The following PABPC1L variants were observed in gnomAD, a reference collection of about 807,000 sequenced individuals.
PABPC1L encodes poly(A) binding protein cytoplasmic 1 like.
PABPC1L carries 31 observed loss-of-function variants against 66.6 expected under a neutral mutation model. The observed-to-expected ratio is 0.47, with a 90% CI of 0.35 to 0.63. PABPC1L has a LOEUF of 0.63. PABPC1L is among the 20% of genes least tolerant of loss of function. PABPC1L has a pLI of 0.00. For synonymous variants in PABPC1L, 348 were observed against 335.1 expected, an observed-to-expected ratio of 1.04 and a Z score of -0.42; for missense variants, 722 against 848.8, an observed-to-expected ratio of 0.85 and a Z score of 1.86.
At position 44,912,658 on chromosome 20, in the gene PABPC1L, A is replaced by G; in HGVS notation, c.194-2A>G. On this transcript the variant is annotated splice_acceptor_variant, in intron 1 of 14. Coordinates refer to ENST00000217073, the MANE Select transcript of PABPC1L (RefSeq NM_001372179.1). LOFTEE classifies it high-confidence loss of function. ...AATTTCTCTCCTCTTCCTTCTGTCC[A>G]GCGGAGCGGGCACTGGACACAATGA... is the stretch of plus-strand genomic sequence containing the variant. 3.1e-6 allele frequency: 5 copies of G among 1,607,354 alleles called. No individual in the cohort carries two copies. The highest frequency in any genetic ancestry group is 4.3e-6 in the Non-Finnish European group (5 of 1,174,762).
intron 7 of PABPC1L, among the ~76,000 whole-genome samples, chr20:44,929,201 G>A (rs1249038163): frequency 1.3e-5 from 2 of 151,446 alleles, no homozygotes; most frequent in Non-Finnish European, 2.9e-5. Flanking sequence ...GTTTGAGGCT[G>A]CAGTGAGCTA....
intron 10 of PABPC1L, among the ~76,000 whole-genome samples, chr20:44,935,014 G>A (rs937478799): frequency 4.0e-5 from 6 of 151,632 alleles, no homozygotes; most frequent in Non-Finnish European, 4.4e-5. Context: ...GTTGCAGTGA[G>A]CCGAGATAAC....
intron 11 of PABPC1L, 120 bp downstream of exon 11, chr20:44,935,617 T>A: frequency 1.4e-6 from 1 of 714,720 alleles, no homozygotes; most frequent in Non-Finnish European, 2.4e-6. Flanking sequence ...TTTCGTTTAT[T>A]AATGTGTACA....
At chr20:44,914,223 T>C (rs2066723821) in intron 2 of PABPC1L, among the ~76,000 whole-genome samples, 1 of 150,502 alleles carries the variant, frequency 6.6e-6, no homozygotes, top group Non-Finnish European at 1.5e-5. Flanking sequence ...TTTTTTTTTT[T>C]TGAGACGGAG....
chr20:44,935,039 G>A (rs2066890283), intron 10 of PABPC1L, among the ~76,000 whole-genome samples: 1 of 150,948 alleles, frequency 6.6e-6, no homozygotes, highest in South Asian at 2.1e-4. Context: ...CTGCACTATA[G>A]CCTGGGTGAC....
intron 5 of PABPC1L, among the ~76,000 whole-genome samples, chr20:44,920,253 G>A (rs1362130089): frequency 3.9e-5 from 6 of 152,060 alleles, no homozygotes. Flanking sequence ...CACTATTATG[G>A]TATCATGCAG....
chr20:44,924,301 C>A, intron 7 of PABPC1L, 45 bp downstream of exon 7: 1 of 1,429,228 alleles, frequency 7.0e-7, no homozygotes, highest in African/African-American at 1.4e-5. Context: ...CCCCTCCATC[C>A]TCTCACCACC....
chr20:44,938,636 T>A, intron 13 of PABPC1L, 38 bp from the exon 14 acceptor site: 1 of 1,572,844 alleles, frequency 6.4e-7, no homozygotes, highest in South Asian at 1.2e-5. Flanking sequence ...CCTGCTAAGA[T>A]AGCTGCACTA....
At position 44,938,729 on chromosome 20, in the gene PABPC1L, C is replaced by T. The variant is rs774958160; in HGVS notation, c.1847C>T (p.Ala616Val). 3.1e-6 allele frequency: 5 copies of T among 1,611,414 alleles called. No homozygotes were observed. The African/African-American group carries it at 4.0e-5, about 13-fold the overall frequency. ...QAHQAMEQPK[A>V]YMH Reference sequence around the variant, plus strand: ...CACCAGGCTATGGAGCAGCCGAAGGCGTACATGCACTGAAACCAGGTGGGT... The same window carrying T: ...CACCAGGCTATGGAGCAGCCGAAGGTGTACATGCACTGAAACCAGGTGGGT... The change falls in exon 14 of 15, where the codon GCG becomes GTG. Residue 616 changes from alanine (A) to valine (V), a missense_variant. Physicochemically the swap from Ala to Val is moderately conservative, Grantham distance 64. Around this residue, in one of 3 missense-constraint regions of PABPC1L, gnomAD observed 301 missense variants for 337.2 expected, o/e 0.89. Coordinates refer to ENST00000217073, the MANE Select transcript of PABPC1L (RefSeq NM_001372179.1).
intron 14 of PABPC1L, 103 bp downstream of exon 14, chr20:44,938,851 C>T: frequency 8.5e-7 from 1 of 1,180,494 alleles, no homozygotes; most frequent in Non-Finnish European, 1.2e-6. Flanking sequence ...GTGTTCCTGG[C>T]TTTCTCTGAA....
intron 7 of PABPC1L, among the ~76,000 whole-genome samples, chr20:44,929,995 C>T (rs1287381825): frequency 6.6e-6 from 1 of 152,140 alleles, no homozygotes; most frequent in Admixed American, 6.6e-5. Flanking sequence ...TGAGTCCTGG[C>T]TAACGTATGA....
At chr20:44,926,296 G>A (rs1241119640) in intron 7 of PABPC1L, among the ~76,000 whole-genome samples, 1 of 152,066 alleles carries the variant, frequency 6.6e-6, no homozygotes, top group African/African-American at 2.4e-5. Context: ...GCGCCATCTC[G>A]GCTCACTACA....
intron 8 of PABPC1L, among the ~76,000 whole-genome samples, chr20:44,931,164 C>G: frequency 7.0e-6 from 1 of 143,440 alleles, no homozygotes; most frequent in African/African-American, 2.6e-5. Flanking sequence ...TGGCTCCTTC[C>G]TTCTTCCCTC....
intron 14 of PABPC1L, 122 bp downstream of exon 14, chr20:44,938,870 GA>G (rs1428604357): frequency 1.4e-5 from 13 of 957,724 alleles, no homozygotes; most frequent in Non-Finnish European, 1.8e-5. Context: ...AAGCACCAAA[GA>G]GTTTGGAGGA....
intron 7 of PABPC1L, among the ~76,000 whole-genome samples, chr20:44,926,055 T>G (rs1408423886): frequency 6.6e-6 from 1 of 152,118 alleles, no homozygotes; most frequent in Non-Finnish European, 1.5e-5. Flanking sequence ...AGTGAAATAG[T>G]GATTGTCGTA....
At chr20:44,931,097 CT>C (rs2066855393) in intron 8 of PABPC1L, among the ~76,000 whole-genome samples, 1 of 127,598 alleles carries the variant, frequency 7.8e-6, no homozygotes, top group Non-Finnish European at 1.7e-5. Context: ...CCCTTCCTTC[CT>C]TCCTTCCTTC....
At position 44,912,654 on chromosome 20, in the gene PABPC1L, G is replaced by T; in HGVS notation, c.194-6G>T. The T allele has an allele frequency of 1.9e-6, 3 of 1,604,208 alleles. No individual in the cohort carries two copies. Among genetic ancestry groups the T allele is most frequent in the Admixed American group, 1.7e-5 (1 of 59,788 alleles). On this transcript the variant is annotated splice_region_variant and splice_polypyrimidine_tract_variant and intron_variant, in intron 1 of 14. Transcript: ENST00000217073. ...TGCTAATTTCTCTCCTCTTCCTTCT[G>T]TCCAGCGGAGCGGGCACTGGACACA...
chr20:44,936,101 A>C (rs906889801), intron 11 of PABPC1L, among the ~76,000 whole-genome samples: 1 of 151,846 alleles, frequency 6.6e-6, no homozygotes, highest in Non-Finnish European at 1.5e-5. Context: ...GCCTCCAAGT[A>C]CAGGCATGTG....
Position 44,928,587 on chromosome 20 carries a change from G to A in PABPC1L, c.973-1873G>A, listed in dbSNP as rs138345334. Among the ~76,000 whole-genome samples the A allele has an allele frequency of 1.8e-3, 274 of 152,114 alleles. 1 individual carries two copies. The highest frequency in any genetic ancestry group is 6.1e-3 in the African/African-American group (255 of 41,478). ...CTGAGGGGGATCCATGGACTCTCAGGTTAAGACCCCTCTACTGAAGGGTAG... is the reference window on the plus strand; with the variant it reads ...CTGAGGGGGATCCATGGACTCTCAGATTAAGACCCCTCTACTGAAGGGTAG... On this transcript the variant is annotated intron_variant, in intron 7 of 14. Coordinates refer to ENST00000217073, the MANE Select transcript of PABPC1L (RefSeq NM_001372179.1).
Sources: gnomAD v4.1 joint callset for allele counts (sites outside exome capture counted in the v4.1 genomes callset) on GRCh38, gnomAD v4.1.1 for gene constraint, gnomAD v4.1.1 regional missense constraint, MANE v1.5 for transcripts, NCBI Gene and HGNC (gene_info 2026-07-23, HGNC 2026-07-21) for gene names.